Variants in RSRC1 observed in about 807,000 individuals in gnomAD.
RSRC1 encodes arginine and serine rich coiled-coil 1.
Under a neutral mutation model 49.1 loss-of-function variants are expected in RSRC1, and 39 were observed. The observed-to-expected ratio is 0.79, with a 90% CI of 0.61 to 1.04. The LOEUF (loss-of-function observed/expected upper bound fraction) is 1.04. Among genes scored for constraint, RSRC1 ranks in the 50% least tolerant of loss-of-function variants. The pLI is 0.00. For synonymous variants in RSRC1, 143 were observed against 130.8 expected (o/e 1.09, Z -0.63); for missense variants, 388 against 402.4 (o/e 0.96, Z 0.31).
intron 4 of RSRC1, among the ~76,000 whole-genome samples, chr3:158,237,728 A>G (rs1359869878): frequency 2.0e-5 from 3 of 152,178 alleles, no homozygotes; most frequent in Admixed American, 6.5e-5. Context: ...GGTTTTCTAA[A>G]TATACAGTCA....
intron 6 of RSRC1, among the ~76,000 whole-genome samples, chr3:158,364,043 T>G (rs1466686599): frequency 1.3e-5 from 2 of 152,136 alleles, no homozygotes; most frequent in African/African-American, 2.4e-5. Flanking sequence ...AAACTGAGAT[T>G]TTATTCTCTT....
intron 4 of RSRC1, among the ~76,000 whole-genome samples, chr3:158,292,240 T>C (rs931582708): frequency 3.3e-5 from 5 of 152,222 alleles, no homozygotes; most frequent in Non-Finnish European, 7.3e-5. Flanking sequence ...TGACACTTTT[T>C]CAATATTATT....
chr3:158,513,847 G>A (rs1740336889), intron 7 of RSRC1, among the ~76,000 whole-genome samples: 1 of 152,196 alleles, frequency 6.6e-6, no homozygotes, highest in Non-Finnish European at 1.5e-5. Context: ...TTACTCTTGG[G>A]AGAGTGTATG....
chr3:158,295,269 T>C (rs1298439312), intron 4 of RSRC1, among the ~76,000 whole-genome samples: 1 of 151,512 alleles, frequency 6.6e-6, no homozygotes, highest in Non-Finnish European at 1.5e-5. Context: ...TAGGTAGGGG[T>C]GAAAGTGGTT....
At chr3:158,192,389 C>A (rs1022279385) in intron 3 of RSRC1, among the ~76,000 whole-genome samples, 6 of 151,972 alleles carry the variant, frequency 3.9e-5, no homozygotes, top group African/African-American at 1.2e-4. Context: ...ATAATGAGCA[C>A]AATTAGTTTG....
At chr3:158,453,768 G>A (rs1737177274) in intron 6 of RSRC1, among the ~76,000 whole-genome samples, 1 of 151,994 alleles carries the variant, frequency 6.6e-6, no homozygotes, top group South Asian at 2.1e-4. Context: ...ATTTTCTAAT[G>A]TATGGCCCTG....
intron 6 of RSRC1, among the ~76,000 whole-genome samples, chr3:158,435,990 G>C (rs1736021296): frequency 6.6e-6 from 1 of 151,784 alleles, no homozygotes; most frequent in Admixed American, 6.6e-5. Flanking sequence ...ATCTCAGAAT[G>C]TCCTTTCTTG....
intron 4 of RSRC1, among the ~76,000 whole-genome samples, chr3:158,219,152 G>T (rs1215363810): frequency 1.3e-5 from 2 of 151,572 alleles, no homozygotes; most frequent in Non-Finnish European, 3.0e-5. Flanking sequence ...AGGATTAAAA[G>T]GAGAGGGATT....
At chr3:158,530,912 AT>A (rs1273932401) in intron 7 of RSRC1, among the ~76,000 whole-genome samples, 9 of 120,764 alleles carry the variant, frequency 7.5e-5, no homozygotes, top group African/African-American at 2.8e-4. Context: ...AAAATAATAA[AT>A]AAAAAAAAAA....
At chr3:158,543,010 G>A (rs1656366) in intron 8 of RSRC1, among the ~76,000 whole-genome samples, 107,564 of 151,958 alleles carry the variant, frequency 0.71, 39,056 homozygotes, top group African/African-American at 0.87. Flanking sequence ...TAAGAAAAAT[G>A]TGCTTATCAT....
chr3:158,379,357 C>T (rs899762408), intron 6 of RSRC1, among the ~76,000 whole-genome samples: 68 of 151,702 alleles, frequency 4.5e-4, no homozygotes, highest in African/African-American at 1.6e-3. Flanking sequence ...CCCGCCACCA[C>T]GCCCGGCTAA....
chr3:158,513,969 C>T (rs1740350726), intron 7 of RSRC1, among the ~76,000 whole-genome samples: 1 of 152,104 alleles, frequency 6.6e-6, no homozygotes, highest in African/African-American at 2.4e-5. Flanking sequence ...GTGATATCCC[C>T]TTTATCATTT....
intron 7 of RSRC1, among the ~76,000 whole-genome samples, chr3:158,513,160 G>T (rs1404377032): frequency 6.7e-6 from 1 of 149,858 alleles, no homozygotes; most frequent in Non-Finnish European, 1.5e-5. Flanking sequence ...GTGTTGAATA[G>T]GAGTGGTGAG....
intron 4 of RSRC1, among the ~76,000 whole-genome samples, chr3:158,243,613 T>A: frequency 6.6e-6 from 1 of 152,188 alleles, no homozygotes; most frequent in East Asian, 1.9e-4. Flanking sequence ...GCAATAGCAC[T>A]GAATCTATAA....
At chr3:158,270,365 T>C (rs981091823) in intron 4 of RSRC1, among the ~76,000 whole-genome samples, 7 of 152,148 alleles carry the variant, frequency 4.6e-5, no homozygotes, top group Non-Finnish European at 8.8e-5. Context: ...GGTACCCCAA[T>C]GATAGGGTGA....
At chr3:158,131,142 TTA>T (rs967113332) in intron 3 of RSRC1, among the ~76,000 whole-genome samples, 3 of 151,412 alleles carry the variant, frequency 2.0e-5, no homozygotes, top group African/African-American at 7.2e-5. Flanking sequence ...AATTTTTTGT[TTA>T]TATATATATT....
At chr3:158,333,244 T>C (rs1729663230) in intron 5 of RSRC1, among the ~76,000 whole-genome samples, 1 of 152,146 alleles carries the variant, frequency 6.6e-6, no homozygotes, top group Non-Finnish European at 1.5e-5. Flanking sequence ...TTTTTTGTTT[T>C]TAGAAACATT....
At chr3:158,165,822 A>G (rs546046605) in intron 3 of RSRC1, among the ~76,000 whole-genome samples, 4 of 152,320 alleles carry the variant, frequency 2.6e-5, no homozygotes, top group African/African-American at 7.2e-5. Flanking sequence ...GTGTAGTGGC[A>G]TATGTTTCCA....
At chr3:158,369,483 G>A (rs567335944) in intron 6 of RSRC1, among the ~76,000 whole-genome samples, 67 of 152,142 alleles carry the variant, frequency 4.4e-4, no homozygotes, top group African/African-American at 1.5e-3. Context: ...GACCACATAC[G>A]TAGACTGTAT....
Sources: allele counts gnomAD v4.1 joint callset (sites outside exome capture counted in the v4.1 genomes callset), GRCh38; gene constraint gnomAD v4.1.1; transcripts MANE v1.5; gene names NCBI Gene and HGNC (gene_info 2026-07-23, HGNC 2026-07-21).